LUC7L3: variants seen among roughly 807,000 people sequenced by gnomAD.
LUC7L3 encodes the protein luc7-like protein 3.
LUC7L3 carries 6 observed loss-of-function variants against 66.8 expected under a neutral mutation model. That is an observed-to-expected ratio of 0.09 (90% CI 0.05 to 0.18). The LOEUF is 0.18. Among genes scored for constraint, LUC7L3 ranks in the 10% least tolerant of loss-of-function variants. LUC7L3 has a pLI of 1.00. For synonymous variants in LUC7L3, 160 were observed against 174.7 expected (o/e 0.92, Z 0.66); for missense variants, 341 against 531.1 (o/e 0.64, Z 3.52).
chr17:50,721,210 G>A (rs897197292), intron 1 of LUC7L3, among the ~76,000 whole-genome samples: 2 of 152,016 alleles, frequency 1.3e-5, no homozygotes, highest in Non-Finnish European at 2.9e-5. Context: ...ATGGCGATTT[G>A]GCTTATGTTC....
chr17:50,741,819 T>A, intron 5 of LUC7L3, 88 bp downstream of exon 5: 1 of 1,015,440 alleles, frequency 9.8e-7, no homozygotes, highest in Non-Finnish European at 1.5e-6. Flanking sequence ...GCATGGTAAC[T>A]CATGTGTATA....
intron 5 of LUC7L3, among the ~76,000 whole-genome samples, chr17:50,742,793 CA>C (rs1005849037): frequency 2.0e-5 from 3 of 151,394 alleles, no homozygotes; most frequent in African/African-American, 4.9e-5. Context: ...CATAATGGCA[CA>C]AAAAAAATAA....
In LUC7L3 at chr17:50,719,744, C is replaced by T. The variant is rs771949311; in HGVS notation, c.12C>T (p.Ala4=). The change falls in exon 1 of 10, where the codon GCC becomes GCT. Residue 4 remains alanine (A), a synonymous_variant. Coordinates refer to ENST00000505658, the MANE Select transcript of LUC7L3 (RefSeq NM_016424.5). ...CCGAAGGAAGCACCATGATTTCGGC[C>T]GCGCAGTTGTTGGATGAGTTAATGG... The part of the protein sequence containing the change: MIS[A]AQLLDELMGR... The T allele has an allele frequency of 5.0e-5, 80 of 1,611,896 alleles. No homozygotes were observed. The highest frequency in any genetic ancestry group is 6.6e-5 in the Non-Finnish European group (78 of 1,179,182).
Position 50,753,462 on chromosome 17 carries a change from T to C in LUC7L3, c.*2801T>C, listed in dbSNP as rs965904777. On this transcript the variant is annotated 3_prime_UTR_variant, in exon 10 of 10. Coordinates refer to ENST00000505658, the MANE Select transcript of LUC7L3 (RefSeq NM_016424.5). ...TTACTAAAATCTCTTCCACCAAACT[T>C]TGAAAAATAATGAAGCCGCCCCCAC... is the stretch of plus-strand genomic sequence containing the variant. 10 of 152,340 alleles carry C rather than the reference T, an allele frequency of 6.6e-5. No individual in the cohort carries two copies. The highest frequency in any genetic ancestry group is 2.4e-4 in the African/African-American group (10 of 41,410). 9.4% of individuals were successfully genotyped at this position (152,340 alleles called of 1,614,324 possible). A position where few individuals can be genotyped will look rare whatever the true frequency, so the allele number is the denominator to read the frequency against.
At chr17:50,749,419 C>A in intron 9 of LUC7L3, 1 of 1,174,870 alleles carries the variant, frequency 8.5e-7, no homozygotes, top group South Asian at 1.5e-5. Context: ...TTGCGCTTAA[C>A]TACTTGGACA....
intron 1 of LUC7L3, chr17:50,723,951 C>T: frequency 2.2e-6 from 1 of 455,380 alleles, no homozygotes; most frequent in South Asian, 1.5e-5. Context: ...TCCTACCTTA[C>T]TCCATAGTAA....
At chr17:50,738,410 CAGAG>C (rs1213898668) in intron 2 of LUC7L3, among the ~76,000 whole-genome samples, 1 of 152,080 alleles carries the variant, frequency 6.6e-6, no homozygotes, top group Non-Finnish European at 1.5e-5. Context: ...ACAAAACCAA[CAGAG>C]AAAGAAGAAT....
At chr17:50,723,936 G>C (rs755526055) in intron 1 of LUC7L3, 1 of 454,728 alleles carries the variant, frequency 2.2e-6, no homozygotes, top group East Asian at 7.1e-5. Context: ...CGCCCGGCTG[G>C]CATTTCCTAC....
intron 2 of LUC7L3, among the ~76,000 whole-genome samples, chr17:50,739,770 T>G (rs1487749112): frequency 6.6e-6 from 1 of 152,220 alleles, no homozygotes; most frequent in Non-Finnish European, 1.5e-5. Context: ...AGTGTTTATT[T>G]ATCCAAAAAT....
In LUC7L3 at chr17:50,751,849, A is replaced by G; in HGVS notation, c.*1188A>G. 9.9e-7 allele frequency: 1 copy of G among 1,009,372 alleles called. No homozygotes were observed. The highest frequency in any genetic ancestry group is 1.2e-6 in the Non-Finnish European group (1 of 844,356). The allele number at this position is 1,009,372 out of a possible 1,614,324, so 62.5% of individuals were successfully genotyped here. On this transcript the variant is annotated 3_prime_UTR_variant, in exon 10 of 10. Transcript: ENST00000505658. ...TTTGGGTTTTTAAAGAAATATTAAAAGTTAGGTACTGTAAGTGTTCTTAAA... is the reference window on the plus strand; with the variant it reads ...TTTGGGTTTTTAAAGAAATATTAAAGGTTAGGTACTGTAAGTGTTCTTAAA...
chr17:50,733,159 A>G (rs902396969), intron 1 of LUC7L3, among the ~76,000 whole-genome samples: 23 of 152,242 alleles, frequency 1.5e-4, no homozygotes, highest in Non-Finnish European at 5.9e-5. Context: ...AATAATCTCC[A>G]AAACCCTAGA....
chr17:50,736,359 C>G (rs892035393), intron 1 of LUC7L3, among the ~76,000 whole-genome samples: 1 of 152,090 alleles, frequency 6.6e-6, no homozygotes, highest in Non-Finnish European at 1.5e-5. Context: ...CTGTGGGAAC[C>G]CACCAAGAGA....
chr17:50,744,305 T>G (rs1025045951), intron 6 of LUC7L3, among the ~76,000 whole-genome samples: 2 of 152,204 alleles, frequency 1.3e-5, no homozygotes, highest in African/African-American at 4.8e-5. Context: ...CTTAGTTCCT[T>G]AATTAGTTTT....
rs550278790 is a variant in LUC7L3, at chr17:50,734,147, C to G, written c.100-2813C>G. On this transcript the variant is annotated intron_variant, in intron 1 of 9. Coordinates refer to ENST00000505658, the MANE Select transcript of LUC7L3 (RefSeq NM_016424.5). ...ATTTGTGACAACAATGTTTAAGTTA[C>G]AAAGAATAATCTTTTTTAAAACTTT... Among the ~76,000 whole-genome samples, 5 of 149,620 alleles carry G rather than the reference C, an allele frequency of 3.3e-5. No homozygotes were observed. The East Asian group carries it at 9.8e-4, about 29-fold the overall frequency.
chr17:50,749,452 GT>G, intron 9 of LUC7L3: 1 of 961,900 alleles, frequency 1.0e-6, no homozygotes, highest in Non-Finnish European at 1.4e-6. Context: ...TTATGCAAGT[GT>G]TACGGACTAA....
At chr17:50,734,686 T>G (rs1297273632) in intron 1 of LUC7L3, among the ~76,000 whole-genome samples, 2 of 152,076 alleles carry the variant, frequency 1.3e-5, no homozygotes, top group African/African-American at 4.8e-5. Context: ...GTATAATAAC[T>G]TGGAAAGAAA....
chr17:50,724,944 A>G (rs1012796146), intron 1 of LUC7L3, among the ~76,000 whole-genome samples: 8 of 151,714 alleles, frequency 5.3e-5, no homozygotes, highest in African/African-American at 1.9e-4. Flanking sequence ...GTGTTGTTGT[A>G]GAGATGGGGT....
intron 3 of LUC7L3, 146 bp from the exon 4 acceptor site, chr17:50,740,956 A>G (rs1970312635): frequency 1.3e-6 from 1 of 748,142 alleles, no homozygotes; most frequent in South Asian, 1.6e-5. Flanking sequence ...CTCTATGATG[A>G]GGGGCAATCA....
intron 1 of LUC7L3, 191 bp from the exon 2 acceptor site, chr17:50,736,769 G>C: frequency 1.8e-6 from 1 of 554,590 alleles, no homozygotes; most frequent in Non-Finnish European, 3.2e-6. Context: ...GAGTACTGCA[G>C]ATTTATTCTT....
Sources: gnomAD v4.1 joint callset for allele counts (sites outside exome capture counted in the v4.1 genomes callset) on GRCh38, gnomAD v4.1.1 for gene constraint, MANE v1.5 for transcripts, NCBI Gene and HGNC (gene_info 2026-07-23, HGNC 2026-07-21) for gene names.